The following EML4 variants were observed in gnomAD, a reference collection of about 807,000 sequenced individuals.
EML4 encodes EMAP like 4, also known as echinoderm microtubule-associated protein-like 4.
Under a neutral mutation model 129.0 loss-of-function variants are expected in EML4, and 72 were observed. The ratio of observed to expected loss-of-function variants is 0.56; its 90% confidence interval spans 0.46 to 0.68. The LOEUF is 0.68. Ranked by LOEUF, EML4 falls within the 30% of genes least tolerant of loss-of-function variation. The probability of loss-of-function intolerance (pLI) is 0.00; values close to 1 mark genes in which losing one functional copy is unlikely to be tolerated. For synonymous variants in EML4, 532 were observed against 405.0 expected (o/e 1.31, Z -3.77); for missense variants, 1,363 against 1,190.6 (o/e 1.14, Z -2.13).
At chr2:42,275,437 C>G (rs763363189) in intron 6 of EML4, among the ~76,000 whole-genome samples, 16 of 152,144 alleles carry the variant, frequency 1.1e-4, no homozygotes, top group Non-Finnish European at 2.4e-4. Context: ...GGAACAAAGT[C>G]TAAAAATTTA....
At chr2:42,257,806 C>T (rs892735814) in intron 3 of EML4, among the ~76,000 whole-genome samples, 1 of 149,182 alleles carries the variant, frequency 6.7e-6, no homozygotes, top group African/African-American at 2.5e-5. Context: ...CACTGTATCC[C>T]AGCCTGGGTG....
intron 1 of EML4, among the ~76,000 whole-genome samples, chr2:42,225,756 T>G (rs748046102): frequency 2.0e-5 from 3 of 152,186 alleles, no homozygotes; most frequent in Non-Finnish European, 4.4e-5. Context: ...TTTTTGCATT[T>G]TTCTATTGGA....
At chr2:42,175,763 TG>T (rs1242768229) in intron 1 of EML4, among the ~76,000 whole-genome samples, 1 of 152,190 alleles carries the variant, frequency 6.6e-6, no homozygotes, top group Admixed American at 6.5e-5. Context: ...CCTCCCAAAG[TG>T]CTGGGATTAG....
At position 42,245,611 on chromosome 2, in the gene EML4, T is replaced by C. The variant is rs1340338307; in HGVS notation, c.132T>C (p.Ala44=). Reference sequence around the variant, plus strand: ...ATGAAATCACTGTGCTAAAGGCGGCTTTGGCTGATGTTTTGAGGCGTCTTG... The same window carrying C: ...ATGAAATCACTGTGCTAAAGGCGGCCTTGGCTGATGTTTTGAGGCGTCTTG... ...QEDEITVLKA[A]LADVLRRLAI... The change falls in exon 2 of 23, where the codon GCT becomes GCC. Residue 44 remains alanine, a synonymous_variant. Coordinates refer to ENST00000318522, the MANE Select transcript of EML4 (RefSeq NM_019063.5). 6.2e-7 allele frequency: 1 copy of C among 1,613,724 alleles called. No individual in the cohort carries two copies. The highest frequency in any genetic ancestry group is 8.5e-7 in the Non-Finnish European group (1 of 1,179,834).
intron 6 of EML4, chr2:42,264,984 A>C (rs1390215183): frequency 6.5e-7 from 1 of 1,538,406 alleles, no homozygotes; most frequent in Non-Finnish European, 8.8e-7. Flanking sequence ...GTTGCCTTCT[A>C]AGTGAATTTT....
chr2:42,325,605 T>TG, intron 20 of EML4, 51 bp downstream of exon 20: 1 of 22,016 alleles, frequency 4.5e-5, no homozygotes, highest in African/African-American at 4.1e-4. Context: ...ATTATATTTA[T>TG]ATATATATAT....
chr2:42,202,543 T>G (rs1572534016), intron 1 of EML4, among the ~76,000 whole-genome samples: 1 of 152,174 alleles, frequency 6.6e-6, no homozygotes, highest in Non-Finnish European at 1.5e-5. Flanking sequence ...ATCTCCACAC[T>G]GAGGAGCAAG....
chr2:42,209,898 C>T (rs1672781402), intron 1 of EML4, among the ~76,000 whole-genome samples: 1 of 152,138 alleles, frequency 6.6e-6, no homozygotes, highest in South Asian at 2.1e-4. Flanking sequence ...CATTGCACTC[C>T]AGCCTGGGCA....
intron 22 of EML4, 29 bp from the exon 23 acceptor site, chr2:42,329,705 T>A: frequency 6.3e-7 from 1 of 1,581,880 alleles, no homozygotes; most frequent in Non-Finnish European, 8.7e-7. Flanking sequence ...GAGTTTAATT[T>A]TCCTGTCTGT....
chr2:42,271,094 A>G (rs979271436), intron 6 of EML4, among the ~76,000 whole-genome samples: 2 of 151,896 alleles, frequency 1.3e-5, no homozygotes, highest in African/African-American at 2.4e-5. Context: ...AGGTTTCGCC[A>G]TGTTGCCCAG....
intron 6 of EML4, among the ~76,000 whole-genome samples, chr2:42,271,586 G>A (rs1180495600): frequency 6.6e-6 from 1 of 152,104 alleles, no homozygotes; most frequent in East Asian, 1.9e-4. Context: ...GAAGAAAAAA[G>A]CCCCAACTGC....
At chr2:42,266,829 C>G (rs1279386122) in intron 6 of EML4, among the ~76,000 whole-genome samples, 1 of 151,960 alleles carries the variant, frequency 6.6e-6, no homozygotes, top group Admixed American at 6.6e-5. Flanking sequence ...AAGCTTATTT[C>G]ACATGACTAC....
At chr2:42,320,847 T>C (rs1669480274) in intron 19 of EML4, among the ~76,000 whole-genome samples, 1 of 152,078 alleles carries the variant, frequency 6.6e-6, no homozygotes, top group South Asian at 2.1e-4. Context: ...GACAGTATAT[T>C]TAAGTTGCAG....
chr2:42,263,836 T>C (rs1271629847), intron 5 of EML4, among the ~76,000 whole-genome samples: 1 of 152,104 alleles, frequency 6.6e-6, no homozygotes, highest in Non-Finnish European at 1.5e-5. Flanking sequence ...TGCAAGCGAT[T>C]GTCCTGCCTT....
chr2:42,244,829 A>G (rs1277169547), intron 1 of EML4, among the ~76,000 whole-genome samples: 3 of 152,154 alleles, frequency 2.0e-5, no homozygotes, highest in Non-Finnish European at 4.4e-5. Context: ...AATGTAATTA[A>G]GAAAGGTTAA....
chr2:42,210,829 C>T (rs1170513768), intron 1 of EML4, among the ~76,000 whole-genome samples: 2 of 152,132 alleles, frequency 1.3e-5, no homozygotes, highest in South Asian at 4.1e-4. Context: ...TCCTTACTTT[C>T]TGGCACTATA....
chr2:42,322,810 T>TG (rs1272714058), intron 19 of EML4, among the ~76,000 whole-genome samples: 17 of 152,374 alleles, frequency 1.1e-4, no homozygotes, highest in Admixed American at 1.0e-3. Flanking sequence ...AGGTGATTTG[T>TG]GGGGAGGGTA....
At chr2:42,319,167 C>T (rs550491938) in intron 19 of EML4, among the ~76,000 whole-genome samples, 35 of 152,290 alleles carry the variant, frequency 2.3e-4, no homozygotes, top group African/African-American at 6.7e-4. Context: ...CATCTTGTGA[C>T]GTAATGGCAG....
intron 2 of EML4, among the ~76,000 whole-genome samples, chr2:42,255,743 A>G (rs1024485598): frequency 6.6e-6 from 1 of 152,230 alleles, no homozygotes; most frequent in African/African-American, 2.4e-5. Context: ...TTACGAATCT[A>G]TATTAAGGAA....
Sources: allele counts gnomAD v4.1 joint callset (sites outside exome capture counted in the v4.1 genomes callset), GRCh38; gene constraint gnomAD v4.1.1; transcripts MANE v1.5; gene names NCBI Gene and HGNC (gene_info 2026-07-23, HGNC 2026-07-21).